ARHGAP12: variants seen among roughly 807,000 people sequenced by gnomAD.
The protein encoded by ARHGAP12 is rho GTPase-activating protein 12.
A neutral mutation model predicts 108.6 loss-of-function variants in ARHGAP12; 64 were observed. That is an observed-to-expected ratio of 0.59 (90% CI 0.48 to 0.73). ARHGAP12 has a LOEUF of 0.73. Among genes scored for constraint, ARHGAP12 ranks in the 30% least tolerant of loss-of-function variants. The pLI, the probability that ARHGAP12 is intolerant of heterozygous loss-of-function variation, is 0.00. For synonymous variants in ARHGAP12, 312 were observed against 337.2 expected (o/e 0.93, Z 0.82); for missense variants, 940 against 1,005.9 (o/e 0.93, Z 0.89).
intron 11 of ARHGAP12, among the ~76,000 whole-genome samples, chr10:31,824,987 T>G (rs1835552285): frequency 6.6e-6 from 1 of 152,144 alleles, no homozygotes; most frequent in Non-Finnish European, 1.5e-5. Context: ...ATGTTTCACC[T>G]CGAGGAAAAG....
chr10:31,921,017 G>A (rs567159818), intron 1 of ARHGAP12, among the ~76,000 whole-genome samples: 166 of 152,186 alleles, frequency 1.1e-3, no homozygotes, highest in African/African-American at 3.7e-3. Context: ...TGGCTCACGC[G>A]TGTAATCCCA....
At position 31,875,121 on chromosome 10, in the gene ARHGAP12, C is replaced by G. The variant is rs143596268; in HGVS notation, c.685-13463G>C. 2.6e-5 allele frequency among the ~76,000 whole-genome samples: 4 copies of G among 151,368 alleles called. No homozygotes were observed. The East Asian group carries it at 7.8e-4, about 29-fold the overall frequency. ...GGGTTTGTTTGTCTGCTTATCTGTA[C>G]TTTCTAATTTATTCTAGAAGGAGTT... On this transcript the variant is annotated intron_variant, in intron 3 of 19. Coordinates refer to ENST00000344936, the MANE Select transcript of ARHGAP12 (RefSeq NM_018287.7).
At chr10:31,886,964 A>G (rs1261971707) in intron 3 of ARHGAP12, among the ~76,000 whole-genome samples, 1 of 152,236 alleles carries the variant, frequency 6.6e-6, no homozygotes, top group Non-Finnish European at 1.5e-5. Flanking sequence ...AAAAATGCAG[A>G]GCAATCCGTA....
intron 4 of ARHGAP12, among the ~76,000 whole-genome samples, chr10:31,859,523 C>G (rs979083594): frequency 6.6e-6 from 1 of 152,152 alleles, no homozygotes. Flanking sequence ...CTCAAGAAGT[C>G]GCTGGAAGAT....
intron 15 of ARHGAP12, 104 bp downstream of exon 15, chr10:31,812,603 G>T: frequency 4.1e-6 from 3 of 736,010 alleles, no homozygotes; most frequent in Non-Finnish European, 6.6e-6. Flanking sequence ...CATGAATAAA[G>T]AATAATATTC....
At chr10:31,884,128 G>A (rs985956895) in intron 3 of ARHGAP12, among the ~76,000 whole-genome samples, 2 of 146,888 alleles carry the variant, frequency 1.4e-5, no homozygotes, top group African/African-American at 2.5e-5. Flanking sequence ...TTAATTCTAC[G>A]TATGGTTAAA....
chr10:31,852,609 GA>G lies in ARHGAP12; in HGVS notation c.1090-13del, dbSNP rs756277800. 30 of 1,581,126 alleles carry G rather than the reference GA, an allele frequency of 1.9e-5. No individual in the cohort carries two copies. In the African/African-American group the frequency reaches 2.8e-4, roughly 15 times the overall value. On this transcript the variant is annotated splice_polypyrimidine_tract_variant and intron_variant, in intron 5 of 19. Coordinates refer to ENST00000344936, the MANE Select transcript of ARHGAP12 (RefSeq NM_018287.7). The stretch of plus-strand genomic sequence containing the variant: ...ACATGCTTGAGCCACTATAAAAACA[GA>G]ACAGGTGTTTTTTATTAAATTTAAA...
intron 3 of ARHGAP12, among the ~76,000 whole-genome samples, chr10:31,889,812 G>A (rs542152210): frequency 6.6e-6 from 1 of 151,188 alleles, no homozygotes; most frequent in Non-Finnish European, 1.5e-5. Context: ...TTGAACTCCT[G>A]GCCTCAAGTG....
chr10:31,815,939 G>C (rs2799014), intron 13 of ARHGAP12, among the ~76,000 whole-genome samples: 114,442 of 152,032 alleles, frequency 0.75, 43,683 homozygotes, highest in African/African-American at 0.87. Context: ...CACTTGAGGT[G>C]AGGAATTCGA....
chr10:31,879,875 T>C (rs17295822), intron 3 of ARHGAP12, among the ~76,000 whole-genome samples: 8,997 of 152,292 alleles, frequency 0.059, 356 homozygotes, highest in Non-Finnish European at 0.082. Flanking sequence ...TACATGCTTC[T>C]ACAGGGTTTC....
intron 3 of ARHGAP12, among the ~76,000 whole-genome samples, chr10:31,881,740 A>C (rs1837964061): frequency 6.6e-6 from 1 of 152,174 alleles, no homozygotes; most frequent in South Asian, 2.1e-4. Flanking sequence ...TCCCTACCAA[A>C]TACTACAAGT....
At chr10:31,911,587 T>C (rs990965188) in intron 1 of ARHGAP12, among the ~76,000 whole-genome samples, 2 of 152,204 alleles carry the variant, frequency 1.3e-5, no homozygotes, top group African/African-American at 4.8e-5. Flanking sequence ...GTGCTGGGGC[T>C]GCAGGCGCGA....
chr10:31,866,045 T>A (rs923800706), intron 3 of ARHGAP12, among the ~76,000 whole-genome samples: 1 of 152,352 alleles, frequency 6.6e-6, no homozygotes, highest in South Asian at 2.1e-4. Flanking sequence ...AAAGTCAGCA[T>A]ATGATCTTGC....
intron 3 of ARHGAP12, among the ~76,000 whole-genome samples, chr10:31,893,676 A>C (rs577850420): frequency 2.6e-5 from 4 of 152,322 alleles, no homozygotes; most frequent in Admixed American, 2.6e-4. Context: ...TACAAGGAGG[A>C]GCTGGTACCA....
chr10:31,863,564 C>T (rs1592306438), intron 3 of ARHGAP12, among the ~76,000 whole-genome samples: 1 of 152,028 alleles, frequency 6.6e-6, no homozygotes, highest in South Asian at 2.1e-4. Flanking sequence ...TGGCCTTCAG[C>T]ACAATCTATA....
chr10:31,907,971 T>C (rs973238705), intron 3 of ARHGAP12, among the ~76,000 whole-genome samples: 4 of 152,204 alleles, frequency 2.6e-5, no homozygotes, highest in African/African-American at 9.6e-5. Context: ...ATAAGAATAA[T>C]TATGAAAACC....
chr10:31,832,133 T>C (rs1307502574), intron 9 of ARHGAP12, among the ~76,000 whole-genome samples: 1 of 152,216 alleles, frequency 6.6e-6, no homozygotes, highest in African/African-American at 2.4e-5. Flanking sequence ...AATACAATGC[T>C]ATAAGGATAA....
intron 1 of ARHGAP12, among the ~76,000 whole-genome samples, chr10:31,924,128 G>A (rs1839933621): frequency 6.6e-6 from 1 of 152,190 alleles, no homozygotes; most frequent in Non-Finnish European, 1.5e-5. Context: ...TACAACCACT[G>A]CGGAAAATAA....
rs748984702 is a variant in ARHGAP12, at chr10:31,807,797, T to C, written c.2402A>G (p.Tyr801Cys). ...IENGEKNRMT[Y>C]QSIAIVFGPT... is the part of the protein sequence containing the mutation. ...ACCAAAAACAATTGCTATACTCTGA[T>C]AGGTCATTCGATTTTTCTCTCCATT... Residue 801 changes from tyrosine (Y) to cysteine (C), a missense_variant, in exon 20 of 20, where the codon TAT becomes TGT. By Grantham distance (194) the Tyr-to-Cys change is radical. Coordinates refer to ENST00000344936, the MANE Select transcript of ARHGAP12 (RefSeq NM_018287.7). 42 of 1,555,346 alleles carry C rather than the reference T, an allele frequency of 2.7e-5. No homozygotes were observed. The highest frequency in any genetic ancestry group is 3.6e-5 in the Non-Finnish European group (41 of 1,154,736).
Sources: gnomAD v4.1 joint callset for allele counts (sites outside exome capture counted in the v4.1 genomes callset) on GRCh38, gnomAD v4.1.1 for gene constraint, MANE v1.5 for transcripts, NCBI Gene and HGNC (gene_info 2026-07-23, HGNC 2026-07-21) for gene names.